RYR2: variants seen among roughly 807,000 people sequenced by gnomAD.
The protein encoded by RYR2 is cardiac muscle ryanodine receptor-calcium release channel.
In RYR2, 227 loss-of-function variants were observed where a neutral mutation model predicts 601.1. The observed-to-expected ratio is 0.38, with a 90% CI of 0.34 to 0.42. The LOEUF (loss-of-function observed/expected upper bound fraction) is 0.42, where lower values mean the gene tolerates loss of function less well. Ranked by LOEUF, RYR2 falls within the 10% of genes least tolerant of loss-of-function variation. RYR2 has a pLI of 1.00. For synonymous variants in RYR2, 2,223 were observed against 2,175.1 expected (o/e 1.02, Z -0.61); for missense variants, 4,646 against 6,156.5 (o/e 0.75, Z 8.21).
At chr1:237,788,439 A>T (rs1657923955) in intron 92 of RYR2, among the ~76,000 whole-genome samples, 4 of 152,234 alleles carry the variant, frequency 2.6e-5, no homozygotes, top group Admixed American at 2.0e-4. Flanking sequence ...AAGTGAATAA[A>T]CATAGTCTAA....
intron 1 of RYR2, among the ~76,000 whole-genome samples, chr1:237,116,956 C>A (rs1321236705): frequency 6.6e-6 from 1 of 152,130 alleles, no homozygotes; most frequent in Non-Finnish European, 1.5e-5. Context: ...ACCCAGAAAT[C>A]GTGTTTAATC....
At chr1:237,770,095 C>G (rs933770197) in intron 84 of RYR2, among the ~76,000 whole-genome samples, 15 of 152,038 alleles carry the variant, frequency 9.9e-5, no homozygotes, top group African/African-American at 3.6e-4. Context: ...TTTCACCTTT[C>G]TTTATTAGTT....
In RYR2 at chr1:237,311,503, T is replaced by C. The variant is rs533504664; in HGVS notation, c.169-19375T>C. ...AATCCTTTTTTTTTTTTTTTGATAC[T>C]GGATCTCACTCTGTGACCCAGGCTG... On this transcript the variant is annotated intron_variant, in intron 2 of 104. Transcript: ENST00000366574. 6.6e-4 allele frequency among the ~76,000 whole-genome samples: 100 copies of C among 151,664 alleles called. No homozygotes were observed. The Middle Eastern group carries it at 0.01, about 15-fold the overall frequency.
chr1:237,156,936 GGC>G lies in RYR2; in HGVS notation c.49-113560_49-113559del. Among the ~76,000 whole-genome samples the G allele has an allele frequency of 2.0e-5, 3 of 152,274 alleles. No homozygotes were observed. The East Asian group carries it at 5.8e-4, about 29-fold the overall frequency. ...AGGGGAATGCTTGCGCACTGTTGGT[GGC>G]AGTGTAAAGTAGTACAGCCACTGTG... is the stretch of plus-strand genomic sequence containing the variant. On this transcript the variant is annotated intron_variant, in intron 1 of 104. Transcript: ENST00000366574.
At chr1:237,672,055 A>G (rs1468234068) in intron 58 of RYR2, among the ~76,000 whole-genome samples, 3 of 152,092 alleles carry the variant, frequency 2.0e-5, no homozygotes, top group African/African-American at 7.2e-5. Flanking sequence ...CAAGATGTCT[A>G]CACCCATATC....
chr1:237,218,505 G>T (rs959584475), intron 1 of RYR2, among the ~76,000 whole-genome samples: 7 of 152,090 alleles, frequency 4.6e-5, no homozygotes, highest in African/African-American at 1.7e-4. Context: ...GATGCTATAG[G>T]TTTTCAGCTT....
At chr1:237,496,798 G>T in intron 20 of RYR2, 46 bp downstream of exon 20, 1 of 1,573,886 alleles carries the variant, frequency 6.4e-7, no homozygotes. Context: ...AAGATCTTTT[G>T]CTGGGCATTT....
At chr1:237,557,728 T>C (rs1671051712) in intron 27 of RYR2, among the ~76,000 whole-genome samples, 1 of 152,060 alleles carries the variant, frequency 6.6e-6, no homozygotes, top group Non-Finnish European at 1.5e-5. Context: ...GAAAAAATTA[T>C]TTGGCATTTA....
intron 1 of RYR2, among the ~76,000 whole-genome samples, chr1:237,248,127 C>G (rs1464375862): frequency 6.6e-6 from 1 of 151,876 alleles, no homozygotes; most frequent in Non-Finnish European, 1.5e-5. Flanking sequence ...CAAAAATGAG[C>G]CGGGTGTGGT....
intron 8 of RYR2, among the ~76,000 whole-genome samples, chr1:237,384,978 C>T (rs1572082284): frequency 6.6e-6 from 1 of 152,244 alleles, no homozygotes; most frequent in East Asian, 1.9e-4. Flanking sequence ...CAAGCTCTGC[C>T]TCCCGGGTTC....
intron 1 of RYR2, among the ~76,000 whole-genome samples, chr1:237,135,238 T>C (rs1052276928): frequency 2.6e-5 from 4 of 152,200 alleles, no homozygotes; most frequent in Non-Finnish European, 5.9e-5. Context: ...TATCTTGTAA[T>C]AGAATATCAT....
Position 237,614,725 on chromosome 1 carries a change from A to G in RYR2, c.5597A>G (p.Lys1866Arg). The change falls in exon 37 of 105, where the codon AAA becomes AGA. Residue 1866 changes from lysine to arginine, a missense_variant. By Grantham distance (26) the Lys-to-Arg change is conservative. Coordinates refer to ENST00000366574, the MANE Select transcript of RYR2 (RefSeq NM_001035.3). The surrounding 1 kb of genome is among the most constrained non-coding windows in gnomAD (Gnocchi z 4.3). The stretch of plus-strand genomic sequence containing the variant: ...GAGGAGGAGAGTGACACGCTGGAGA[A>G]AGAGCTCAGTGTGGACGATGCAAAG... ...TPEEESDTLE[K>R]ELSVDDAKLQ... is the part of the protein sequence containing the mutation. 1 of 1,614,024 alleles carries G rather than the reference A, an allele frequency of 6.2e-7. No individual in the cohort carries two copies. Among genetic ancestry groups the G allele is most frequent in the Non-Finnish European group, 8.5e-7 (1 of 1,179,894 alleles).
intron 1 of RYR2, among the ~76,000 whole-genome samples, chr1:237,114,758 C>A (rs867830267): frequency 6.6e-5 from 10 of 152,192 alleles, no homozygotes; most frequent in African/African-American, 1.9e-4. Context: ...GCCCTACCAC[C>A]TTTTAACTAG....
chr1:237,054,219 T>A (rs930965451), intron 1 of RYR2, among the ~76,000 whole-genome samples: 1 of 145,162 alleles, frequency 6.9e-6, no homozygotes, highest in Non-Finnish European at 1.5e-5. Context: ...CTTCCTTCCT[T>A]TTTCTTCCCT....
chr1:237,342,011 G>C (rs1010636243), intron 3 of RYR2, among the ~76,000 whole-genome samples: 1 of 152,066 alleles, frequency 6.6e-6, no homozygotes, highest in East Asian at 1.9e-4. Context: ...CCCTAGTCAT[G>C]GTGTCTTTGT....
intron 31 of RYR2, 34 bp from the exon 32 acceptor site, chr1:237,591,705 T>C (rs773361943): frequency 4.6e-6 from 7 of 1,506,980 alleles, no homozygotes; most frequent in Non-Finnish European, 4.6e-6. Context: ...AACATTTTAA[T>C]GTTGCTTATT....
At chr1:237,367,052 G>T (rs1001141592) in intron 5 of RYR2, among the ~76,000 whole-genome samples, 1 of 151,956 alleles carries the variant, frequency 6.6e-6, no homozygotes, top group Non-Finnish European at 1.5e-5. Flanking sequence ...TTTCTTCTCA[G>T]TTATGTGAAA....
chr1:237,187,427 C>T (rs1358212649), intron 1 of RYR2, among the ~76,000 whole-genome samples: 1 of 146,104 alleles, frequency 6.8e-6, no homozygotes, highest in Non-Finnish European at 1.5e-5. Context: ...AGGCGTGAGC[C>T]AACACGCCCG....
At chr1:237,736,331 C>T (rs1691141431) in intron 79 of RYR2, among the ~76,000 whole-genome samples, 1 of 151,784 alleles carries the variant, frequency 6.6e-6, no homozygotes, top group South Asian at 2.1e-4. Context: ...CACGGTGGTG[C>T]ACACCTGTAA....
Sources: allele counts gnomAD v4.1 joint callset (sites outside exome capture counted in the v4.1 genomes callset), GRCh38; gene constraint gnomAD v4.1.1; non-coding constraint Gnocchi (gnomAD v3.1); transcripts MANE v1.5; gene names NCBI Gene and HGNC (gene_info 2026-07-23, HGNC 2026-07-21).